PRRX1: variants seen among roughly 807,000 people sequenced by gnomAD.
The protein encoded by PRRX1 is paired related homeobox 1.
Under a neutral mutation model 24.0 loss-of-function variants are expected in PRRX1, and 8 were observed. That is an observed-to-expected ratio of 0.33 (90% CI 0.20 to 0.60). The LOEUF (loss-of-function observed/expected upper bound fraction) is 0.60, where lower values mean the gene tolerates loss of function less well. Among genes scored for constraint, PRRX1 ranks in the 20% least tolerant of loss-of-function variants. The probability of loss-of-function intolerance (pLI) is 0.82; values close to 1 mark genes in which losing one functional copy is unlikely to be tolerated. For missense variants in PRRX1, 281 were observed against 322.4 expected (o/e 0.87, Z 0.98); for synonymous variants, 160 against 131.7 (o/e 1.22, Z -1.47).
rs561620571 is a variant in PRRX1, at chr1:170,698,525, C to G, written c.242-21201C>G. Among the ~76,000 whole-genome samples, 20 of 152,278 alleles carry G rather than the reference C, an allele frequency of 1.3e-4. No individual in the cohort carries two copies. The South Asian group carries it at 4.1e-3, about 32-fold the overall frequency. On this transcript the variant is annotated intron_variant, in intron 1 of 3. Transcript: ENST00000239461. Reference sequence around the variant, plus strand: ...GGTTTAGAAAGTTGTTTTAGAATCACAGTAGAGGCCTTTTGCGTATTAAAA... The same window carrying G: ...GGTTTAGAAAGTTGTTTTAGAATCAGAGTAGAGGCCTTTTGCGTATTAAAA...
chr1:170,737,169 CAT>C lies in PRRX1; in HGVS notation c.*995_*996del, dbSNP rs919338009. 33 of 160,852 alleles carry C rather than the reference CAT, an allele frequency of 2.1e-4. No individual in the cohort carries two copies. Among genetic ancestry groups the C allele is most frequent in the East Asian group, 1.1e-3 (9 of 7,842 alleles). The allele number at this position is 160,852 out of a possible 1,614,324, so 10.0% of individuals were successfully genotyped here. ...TATTTATATATTTATATATATATTT[CAT>C]ATATATATATAATATTGCAAGCTTA... is the stretch of plus-strand genomic sequence containing the variant. On this transcript the variant is annotated 3_prime_UTR_variant, in exon 4 of 4. Coordinates refer to ENST00000239461, the MANE Select transcript of PRRX1 (RefSeq NM_022716.4).
rs1198455252 is a variant in PRRX1, at chr1:170,737,147, T to TTA, written c.*967_*968dup. ...ACACTTATATATATACTGTATATAT[T>TTA]TATATATTTATATATATATTTCATA... On this transcript the variant is annotated 3_prime_UTR_variant, in exon 4 of 4. Coordinates refer to ENST00000239461, the MANE Select transcript of PRRX1 (RefSeq NM_022716.4). 6.2e-6 allele frequency: 1 copy of TTA among 162,092 alleles called. No homozygotes were observed. Among genetic ancestry groups the TTA allele is most frequent in the African/African-American group, 2.4e-5 (1 of 41,236 alleles). The allele number at this position is 162,092 out of a possible 1,614,324, so 10.0% of individuals were successfully genotyped here.
rs778731656 is a variant in PRRX1, at chr1:170,736,188, G to GA, written c.*10dup. ...AACCAGGTGCCAACAGTCAACTGAG[G>GA]AAAAAAAATAATTAAACAGGCCTAA... On this transcript the variant is annotated 3_prime_UTR_variant, in exon 4 of 4. Transcript: ENST00000239461. The GA allele has an allele frequency of 9.3e-6, 15 of 1,613,318 alleles. No homozygotes were observed. The highest frequency in any genetic ancestry group is 1.6e-4 in the Middle Eastern group (1 of 6,078).
chr1:170,669,858 T>C (rs1016012090), intron 1 of PRRX1, among the ~76,000 whole-genome samples: 3 of 152,184 alleles, frequency 2.0e-5, no homozygotes, highest in Non-Finnish European at 4.4e-5. Flanking sequence ...GAAGAAGCTA[T>C]ACGAGGAACA....
At chr1:170,727,675 G>C (rs1173629775) in intron 3 of PRRX1, 2 of 152,096 alleles carry the variant, frequency 1.3e-5, no homozygotes, top group East Asian at 3.9e-4. Context: ...AATGCACTTG[G>C]AAATTTGTTT....
chr1:170,677,054 C>T (rs1202626165), intron 1 of PRRX1, among the ~76,000 whole-genome samples: 1 of 152,014 alleles, frequency 6.6e-6, no homozygotes, highest in Non-Finnish European at 1.5e-5. Flanking sequence ...ATTAAGTTGT[C>T]AAGTAACAAT....
intron 1 of PRRX1, among the ~76,000 whole-genome samples, chr1:170,672,521 G>A (rs1653176227): frequency 6.6e-6 from 1 of 152,136 alleles, no homozygotes; most frequent in Non-Finnish European, 1.5e-5. Flanking sequence ...TATTTTCAAG[G>A]ACCTCACAGT....
chr1:170,666,409 C>T (rs1652931686), intron 1 of PRRX1, among the ~76,000 whole-genome samples: 1 of 121,778 alleles, frequency 8.2e-6, no homozygotes. Flanking sequence ...CAGAGTGAGA[C>T]TCCGTCTCAA....
intron 1 of PRRX1, among the ~76,000 whole-genome samples, chr1:170,699,428 T>C (rs1272656917): frequency 1.3e-5 from 2 of 151,968 alleles, no homozygotes; most frequent in African/African-American, 4.8e-5. Flanking sequence ...CTCTGTCCCA[T>C]TCATGAGCTC....
intron 1 of PRRX1, among the ~76,000 whole-genome samples, chr1:170,700,306 T>G (rs1654312532): frequency 6.6e-6 from 1 of 152,130 alleles, no homozygotes; most frequent in Non-Finnish European, 1.5e-5. Flanking sequence ...ATAGAACCGC[T>G]GATGAGTGTG....
At chr1:170,703,833 G>A (rs1654474164) in intron 1 of PRRX1, among the ~76,000 whole-genome samples, 1 of 152,106 alleles carries the variant, frequency 6.6e-6, no homozygotes, top group Admixed American at 6.6e-5. Context: ...GTCCATGTCA[G>A]CTCTTCCCCC....
intron 1 of PRRX1, among the ~76,000 whole-genome samples, chr1:170,707,911 A>G (rs1654618147): frequency 6.6e-6 from 1 of 152,228 alleles, no homozygotes; most frequent in African/African-American, 2.4e-5. Context: ...GAGGAAATAT[A>G]TCTGTAATTG....
intron 2 of PRRX1, among the ~76,000 whole-genome samples, chr1:170,722,407 ATAT>A (rs775372127): frequency 9.9e-5 from 15 of 152,110 alleles, no homozygotes; most frequent in Non-Finnish European, 1.6e-4. Flanking sequence ...TATCAAGCAC[ATAT>A]TATACTCTTG....
intron 3 of PRRX1, 106 bp from the exon 4 acceptor site, chr1:170,735,942 C>A: frequency 1.3e-6 from 2 of 1,486,210 alleles, no homozygotes; most frequent in South Asian, 2.3e-5. Context: ...CAAGCCATTG[C>A]CCCTGCCTGC....
At position 170,679,677 on chromosome 1, in the gene PRRX1, G is replaced by A. The variant is rs1237782217; in HGVS notation, c.241+15218G>A. 3.9e-5 allele frequency among the ~76,000 whole-genome samples: 6 copies of A among 152,190 alleles called. No individual in the cohort carries two copies. The East Asian group carries it at 5.8e-4, about 15-fold the overall frequency. On this transcript the variant is annotated intron_variant, in intron 1 of 3. Transcript: ENST00000239461. ...GCCTCCCAAAGTGCTGGGATTACAG[G>A]CATTTTATTTTTTGTCATATATTGA... is the stretch of plus-strand genomic sequence containing the variant.
Position 170,726,308 on chromosome 1 carries a change from C to T in PRRX1, c.506C>T (p.Ser169Leu). The T allele has an allele frequency of 1.2e-6, 2 of 1,614,018 alleles. No individual in the cohort carries two copies. Among genetic ancestry groups the T allele is most frequent in the Non-Finnish European group, 1.7e-6 (2 of 1,179,928 alleles). ...NKNASLLKSYSGDVTAVEQPI... is the reference protein window; with the variant it reads ...NKNASLLKSYLGDVTAVEQPI... ...AACGCTTCCCTCCTCAAATCCTACT[C>T]AGGAGACGTGACTGCTGTGGAGCAG... The change falls in exon 3 of 4, where the codon TCA becomes TTA. Residue 169 changes from serine to leucine, a missense_variant. By Grantham distance (145) the Ser-to-Leu change is moderately radical (BLOSUM62 -2). Transcript: ENST00000239461.
intron 1 of PRRX1, among the ~76,000 whole-genome samples, chr1:170,688,082 G>A (rs1345056097): frequency 6.6e-6 from 1 of 152,132 alleles, no homozygotes; most frequent in Non-Finnish European, 1.5e-5. Flanking sequence ...TTATTCACTT[G>A]CTATGTGACC....
chr1:170,727,628 T>C lies in PRRX1; in HGVS notation c.599+1227T>C, dbSNP rs1655296955. On this transcript the variant is annotated intron_variant, in intron 3 of 3. Transcript: ENST00000239461. ...CAAAAAGCCTCATCTAAAAGTTTCT[T>C]TCTGTTCCAAATCAGTTCCTTTAGA... The C allele has an allele frequency of 2.0e-5, 3 of 152,342 alleles. No individual in the cohort carries two copies. In the South Asian group the frequency reaches 6.2e-4, roughly 32 times the overall value. The allele number at this position is 152,342 out of a possible 1,614,324, so 9.4% of individuals were successfully genotyped here.
chr1:170,703,624 C>T (rs1406822849), intron 1 of PRRX1, among the ~76,000 whole-genome samples: 1 of 151,412 alleles, frequency 6.6e-6, no homozygotes, highest in East Asian at 1.9e-4. Context: ...CTTACTTGAA[C>T]CTCACAACAA....
Sources: gnomAD v4.1 joint callset for allele counts (sites outside exome capture counted in the v4.1 genomes callset) on GRCh38, gnomAD v4.1.1 for gene constraint, MANE v1.5 for transcripts, NCBI Gene and HGNC (gene_info 2026-07-23, HGNC 2026-07-21) for gene names.